The following PTPRG variants were observed in gnomAD, a reference collection of about 807,000 sequenced individuals.
PTPRG encodes the protein receptor-type tyrosine-protein phosphatase gamma.
PTPRG carries 102 observed loss-of-function variants against 165.3 expected under a neutral mutation model. The ratio of observed to expected loss-of-function variants is 0.62; its 90% CI spans 0.53 to 0.73. PTPRG has a LOEUF of 0.73. Among genes scored for constraint, PTPRG ranks in the 30% least tolerant of loss-of-function variants. The pLI is 0.00. For synonymous variants in PTPRG, 675 were observed against 669.5 expected (o/e 1.01, Z -0.13); for missense variants, 1,866 against 1,861.4 (o/e 1.00, Z -0.05).
chr3:62,234,852 T>A (rs1158942570), intron 14 of PTPRG, among the ~76,000 whole-genome samples: 1 of 152,172 alleles, frequency 6.6e-6, no homozygotes, highest in Non-Finnish European at 1.5e-5. Flanking sequence ...TACTCTTTTT[T>A]AAAATCACTT....
At chr3:62,159,810 C>T (rs768674770) in intron 7 of PTPRG, among the ~76,000 whole-genome samples, 1 of 152,228 alleles carries the variant, frequency 6.6e-6, no homozygotes, top group Non-Finnish European at 1.5e-5. Context: ...GTGTCCCTCT[C>T]TCTCTCCCAA....
chr3:61,863,253 T>G (rs73839759), intron 2 of PTPRG, among the ~76,000 whole-genome samples: 2,134 of 152,336 alleles, frequency 0.014, 60 homozygotes, highest in African/African-American at 0.048. Flanking sequence ...CTTTCTTCAC[T>G]CCTCTTCTTT....
intron 2 of PTPRG, among the ~76,000 whole-genome samples, chr3:61,918,447 T>C (rs951478650): frequency 1.3e-5 from 2 of 152,190 alleles, no homozygotes; most frequent in Non-Finnish European, 2.9e-5. Context: ...CTATGATGCA[T>C]TGTGGTACTC....
rs555967776 is a variant in PTPRG at position 61,892,057 on chromosome 3, A to C, written c.191-97568A>C. On this transcript the variant is annotated intron_variant, in intron 2 of 29. Transcript: ENST00000474889. The stretch of plus-strand genomic sequence containing the variant: ...TGCTAGGCACTGGACCATTTTGAAG[A>C]AAGATTTTTCATTCAGTCTTCATAA... Among the ~76,000 whole-genome samples, 3 of 152,340 alleles carry C rather than the reference A, an allele frequency of 2.0e-5. No individual in the cohort carries two copies. In the East Asian group the frequency reaches 5.8e-4, roughly 29 times the overall value.
At chr3:61,902,387 A>T (rs530838883) in intron 2 of PTPRG, among the ~76,000 whole-genome samples, 5 of 152,296 alleles carry the variant, frequency 3.3e-5, no homozygotes, top group African/African-American at 1.2e-4. Flanking sequence ...AGGTGCATGT[A>T]GGCCCAAGGG....
At chr3:61,651,352 C>G (rs1481622095) in intron 1 of PTPRG, among the ~76,000 whole-genome samples, 3 of 127,048 alleles carry the variant, frequency 2.4e-5, no homozygotes, top group Non-Finnish European at 3.2e-5. Context: ...CATTTTGTCC[C>G]ATTGTTAATA....
At chr3:62,186,567 C>CTTTTTTTTTTTTTTTTT (rs35133425) in intron 8 of PTPRG, among the ~76,000 whole-genome samples, 11 of 117,518 alleles carry the variant, frequency 9.4e-5, no homozygotes, top group East Asian at 5.3e-4. Context: ...TTTTCTTTTC[C>CTTTTTTTTTTTTTTTTT]TTTTTTTTTT....
intron 2 of PTPRG, among the ~76,000 whole-genome samples, chr3:61,798,989 C>T (rs1000073679): frequency 4.0e-5 from 6 of 151,460 alleles, no homozygotes; most frequent in Non-Finnish European, 8.8e-5. Context: ...TGGTCTTTTT[C>T]ACCTTCTCTC....
chr3:62,085,051 T>C lies in PTPRG; in HGVS notation c.615+6793T>C, dbSNP rs569770562. Among the ~76,000 whole-genome samples the C allele has an allele frequency of 2.0e-5, 3 of 152,312 alleles. No individual in the cohort carries two copies. In the East Asian group the frequency reaches 5.8e-4, roughly 29 times the overall value. On this transcript the variant is annotated intron_variant, in intron 5 of 29. Coordinates refer to ENST00000474889, the MANE Select transcript of PTPRG (RefSeq NM_002841.4). ...CCTGAGACTACTAGAGTATAAACTCTCTGAAGTTGAAGTCTGTGTCTTGTT... is the reference window on the plus strand; with the variant it reads ...CCTGAGACTACTAGAGTATAAACTCCCTGAAGTTGAAGTCTGTGTCTTGTT...
At chr3:62,108,342 G>T (rs570205079) in intron 5 of PTPRG, among the ~76,000 whole-genome samples, 8 of 152,122 alleles carry the variant, frequency 5.3e-5, no homozygotes, top group African/African-American at 1.4e-4. Context: ...ATGGTTTCCA[G>T]CTTCATCCAT....
At chr3:61,897,709 CTG>C (rs2038394283) in intron 2 of PTPRG, among the ~76,000 whole-genome samples, 1 of 152,166 alleles carries the variant, frequency 6.6e-6, no homozygotes, top group Non-Finnish European at 1.5e-5. Context: ...TAGGAACACA[CTG>C]TATCTCTCCA....
At chr3:62,126,774 G>C (rs546205318) in intron 5 of PTPRG, among the ~76,000 whole-genome samples, 2 of 152,318 alleles carry the variant, frequency 1.3e-5, no homozygotes, top group South Asian at 4.1e-4. Context: ...AAGTCCTACA[G>C]GTTTACAGAG....
chr3:61,813,531 A>G (rs2035655167), intron 2 of PTPRG, among the ~76,000 whole-genome samples: 1 of 138,164 alleles, frequency 7.2e-6, no homozygotes, highest in African/African-American at 2.7e-5. Context: ...AAAAAAAAAG[A>G]AAAAAGAAAA....
At chr3:61,939,080 G>A (rs1178992623) in intron 2 of PTPRG, among the ~76,000 whole-genome samples, 1 of 152,156 alleles carries the variant, frequency 6.6e-6, no homozygotes, top group African/African-American at 2.4e-5. Context: ...CCGGAACTGG[G>A]TACAGGCGCG....
At chr3:62,064,795 C>T (rs569998688) in intron 4 of PTPRG, among the ~76,000 whole-genome samples, 231 of 125,548 alleles carry the variant, frequency 1.8e-3, no homozygotes, top group African/African-American at 7.0e-3. Context: ...TATAATGGTG[C>T]AATCTGGGCT....
chr3:62,204,423 C>T (rs1700177502), intron 12 of PTPRG, among the ~76,000 whole-genome samples: 1 of 152,014 alleles, frequency 6.6e-6, no homozygotes, highest in Non-Finnish European at 1.5e-5. Flanking sequence ...CTAGCTGGAG[C>T]GCATGCCCAG....
intron 1 of PTPRG, among the ~76,000 whole-genome samples, chr3:61,710,086 C>T (rs1433662499): frequency 1.3e-5 from 2 of 152,110 alleles, no homozygotes; most frequent in East Asian, 1.9e-4. Context: ...TAGTAGCATC[C>T]CCTTTGAGTT....
intron 2 of PTPRG, among the ~76,000 whole-genome samples, chr3:61,774,396 G>T (rs144452847): frequency 1.8e-3 from 280 of 152,280 alleles, no homozygotes; most frequent in African/African-American, 6.3e-3. Context: ...TTGCTTGCTG[G>T]CACTTGAAAA....
chr3:62,286,572 C>A (rs1453984707), intron 28 of PTPRG, among the ~76,000 whole-genome samples: 9 of 136,492 alleles, frequency 6.6e-5, no homozygotes, highest in Admixed American at 1.4e-4. Context: ...TAAAAAAAAA[C>A]ATTACTGTAC....
Sources: gnomAD v4.1 joint callset for allele counts (sites outside exome capture counted in the v4.1 genomes callset) on GRCh38, gnomAD v4.1.1 for gene constraint, MANE v1.5 for transcripts, NCBI Gene and HGNC (gene_info 2026-07-23, HGNC 2026-07-21) for gene names.